NAV2: variants seen among roughly 807,000 people sequenced by gnomAD.
NAV2 encodes neuron navigator 2, also known as helicase, APC down-regulated 1.
In NAV2, 54 loss-of-function variants were observed where a neutral mutation model predicts 223.2. That is an observed-to-expected ratio of 0.24 (90% CI 0.19 to 0.30). The LOEUF (loss-of-function observed/expected upper bound fraction) is 0.30, where lower values mean the gene tolerates loss of function less well. NAV2 is among the 10% of genes least tolerant of loss of function. The pLI, the probability that NAV2 is intolerant of heterozygous loss-of-function variation, is 1.00. For missense variants in NAV2, 2,806 were observed against 3,147.5 expected, an observed-to-expected ratio of 0.89 and a Z score of 2.60; for synonymous variants, 1,279 against 1,239.3, an observed-to-expected ratio of 1.03 and a Z score of -0.67.
intron 10 of NAV2, among the ~76,000 whole-genome samples, chr11:19,956,579 A>G (rs987621823): frequency 6.6e-6 from 1 of 152,130 alleles, no homozygotes; most frequent in African/African-American, 2.4e-5. Flanking sequence ...CTGGTGTGTT[A>G]TAAAGCATAT....
intron 1 of NAV2, among the ~76,000 whole-genome samples, chr11:19,719,896 G>A (rs2050621532): frequency 6.6e-6 from 1 of 152,220 alleles, no homozygotes; most frequent in African/African-American, 2.4e-5. Flanking sequence ...CTTGTGGGAA[G>A]CTTCCTTTGT....
chr11:19,363,735 G>A (rs1854097895), intron 1 of NAV2, among the ~76,000 whole-genome samples: 1 of 152,174 alleles, frequency 6.6e-6, no homozygotes, highest in Admixed American at 6.5e-5. Flanking sequence ...TGCATGTCTA[G>A]ACCACCTGTA....
chr11:19,662,139 A>C (rs2048300553), intron 1 of NAV2, among the ~76,000 whole-genome samples: 1 of 152,238 alleles, frequency 6.6e-6, no homozygotes, highest in Non-Finnish European at 1.5e-5. Context: ...ATGTGTGAAG[A>C]GGAAGATCAT....
chr11:19,700,344 T>C (rs1004461010), intron 1 of NAV2, among the ~76,000 whole-genome samples: 1 of 152,206 alleles, frequency 6.6e-6, no homozygotes, highest in Non-Finnish European at 1.5e-5. Context: ...GTCACACGTA[T>C]GCAATCAAAT....
At chr11:19,392,516 C>T (rs1005912267) in intron 1 of NAV2, among the ~76,000 whole-genome samples, 5 of 152,014 alleles carry the variant, frequency 3.3e-5, no homozygotes, top group Non-Finnish European at 5.9e-5. Context: ...GTGGCCTGTC[C>T]GTGTGGCCTG....
chr11:19,427,001 T>A (rs1850856982), intron 1 of NAV2, among the ~76,000 whole-genome samples: 1 of 152,166 alleles, frequency 6.6e-6, no homozygotes, highest in African/African-American at 2.4e-5. Context: ...ACAAATTAAA[T>A]CCCTGGCATG....
chr11:19,985,725 T>C (rs2050736981), intron 11 of NAV2, among the ~76,000 whole-genome samples: 1 of 152,058 alleles, frequency 6.6e-6, no homozygotes, highest in African/African-American at 2.4e-5. Flanking sequence ...TATAGGCGTG[T>C]ACCAGCATGC....
At chr11:19,956,875 A>C (rs1045529370) in intron 10 of NAV2, among the ~76,000 whole-genome samples, 3 of 152,140 alleles carry the variant, frequency 2.0e-5, no homozygotes, top group Admixed American at 6.6e-5. Flanking sequence ...GAAAGTTCCA[A>C]TGCTCTAATC....
In NAV2 at chr11:19,648,636, C is replaced by T. The variant is rs560033972; in HGVS notation, c.76-183848C>T. ...CTGCTGATCTGCCAAGTGAAAACAGCCCTGGAGAGTGGTTGGTGATGGGGC... is the reference window on the plus strand; with the variant it reads ...CTGCTGATCTGCCAAGTGAAAACAGTCCTGGAGAGTGGTTGGTGATGGGGC... On this transcript the variant is annotated intron_variant, in intron 1 of 37. Coordinates refer to the NAV2 transcript ENST00000360655. 4.6e-5 allele frequency among the ~76,000 whole-genome samples: 7 copies of T among 152,234 alleles called. No homozygotes were observed. The South Asian group carries it at 1.2e-3, about 27-fold the overall frequency.
At chr11:19,974,850 G>A (rs1168202918) in intron 10 of NAV2, among the ~76,000 whole-genome samples, 2 of 152,192 alleles carry the variant, frequency 1.3e-5, no homozygotes, top group Admixed American at 1.3e-4. Context: ...CAGTGTTAGA[G>A]AAATAATCTC....
intron 8 of NAV2, 121 bp downstream of exon 8, chr11:19,939,894 C>A: frequency 1.8e-6 from 1 of 544,740 alleles, no homozygotes; most frequent in Non-Finnish European, 3.1e-6. Context: ...TGACTTTGAG[C>A]TAAACAAACT....
intron 1 of NAV2, among the ~76,000 whole-genome samples, chr11:19,789,944 C>A (rs2057403056): frequency 6.6e-6 from 1 of 152,184 alleles, no homozygotes; most frequent in South Asian, 2.1e-4. Flanking sequence ...AGTTCAAGAG[C>A]ATTTTGAAAC....
chr11:19,794,335 G>T (rs574149626), intron 1 of NAV2, among the ~76,000 whole-genome samples: 2 of 152,172 alleles, frequency 1.3e-5, no homozygotes, highest in East Asian at 1.9e-4. Flanking sequence ...TTGTCACATT[G>T]GTTATAATGT....
chr11:19,524,411 C>T (rs368205953), intron 1 of NAV2, among the ~76,000 whole-genome samples: 1 of 152,204 alleles, frequency 6.6e-6, no homozygotes, highest in Non-Finnish European at 1.5e-5. Context: ...ATGTGCGTTT[C>T]GTGCCTCCAG....
chr11:19,512,534 G>T (rs774343988), intron 1 of NAV2, among the ~76,000 whole-genome samples: 7 of 152,174 alleles, frequency 4.6e-5, no homozygotes, highest in Non-Finnish European at 7.3e-5. Context: ...CCTGCTGGTA[G>T]GCTAAAACCA....
chr11:19,490,847 C>A (rs771973284), intron 1 of NAV2, among the ~76,000 whole-genome samples: 34 of 152,106 alleles, frequency 2.2e-4, no homozygotes, highest in Non-Finnish European at 4.6e-4. Flanking sequence ...CAGTTATAGC[C>A]TTTTGAAATG....
At chr11:20,093,576 G>T (rs1337996465) in intron 29 of NAV2, among the ~76,000 whole-genome samples, 1 of 152,144 alleles carries the variant, frequency 6.6e-6, no homozygotes, top group Non-Finnish European at 1.5e-5. Flanking sequence ...CTGACCACAT[G>T]CAGCCGACCA....
intron 1 of NAV2, among the ~76,000 whole-genome samples, chr11:19,619,281 G>A (rs1565106459): frequency 6.6e-6 from 1 of 151,902 alleles, no homozygotes; most frequent in South Asian, 2.1e-4. Context: ...ACCCAGTAAT[G>A]AGAAAGCTGG....
chr11:19,592,006 C>T (rs1565081478), intron 1 of NAV2, among the ~76,000 whole-genome samples: 1 of 152,168 alleles, frequency 6.6e-6, no homozygotes, highest in East Asian at 1.9e-4. Flanking sequence ...AGTCCTGACC[C>T]CTATCACACT....
Sources: allele counts gnomAD v4.1 joint callset (sites outside exome capture counted in the v4.1 genomes callset), GRCh38; gene constraint gnomAD v4.1.1; transcripts MANE v1.5; gene names NCBI Gene and HGNC (gene_info 2026-07-23, HGNC 2026-07-21).